RUBCNL: variants seen among roughly 807,000 people sequenced by gnomAD.
RUBCNL encodes the protein protein associated with UVRAG as autophagy enhancer.
RUBCNL carries 62 observed loss-of-function variants against 69.5 expected under a neutral mutation model. That is an observed-to-expected ratio of 0.89 (90% CI 0.73 to 1.10). The LOEUF is 1.10. Among genes scored for constraint, RUBCNL ranks in the 50% least tolerant of loss-of-function variants. RUBCNL has a pLI of 0.00. For synonymous variants in RUBCNL, 291 were observed against 303.6 expected, an observed-to-expected ratio of 0.96 and a Z score of 0.43; for missense variants, 768 against 798.1, an observed-to-expected ratio of 0.96 and a Z score of 0.45.
rs1180119918 is a variant in RUBCNL at position 46,336,526 on chromosome 13, T to C, written c.*6859A>G. 6.6e-6 allele frequency among the ~76,000 whole-genome samples: 1 copy of C among 152,196 alleles called. No homozygotes were observed. The highest frequency in any genetic ancestry group is 1.5e-5 in the Non-Finnish European group (1 of 68,046). ...AGAGATAATCACCACCACAATATGATGAAATTCATTATAGTCTAGCTTTTC... is the reference window on the plus strand; with the variant it reads ...AGAGATAATCACCACCACAATATGACGAAATTCATTATAGTCTAGCTTTTC... On this transcript the variant is annotated 3_prime_UTR_variant, in exon 15 of 15. Coordinates refer to ENST00000429979, the MANE Select transcript of RUBCNL (RefSeq NM_025113.5).
intron 1 of RUBCNL, among the ~76,000 whole-genome samples, chr13:46,382,700 A>AT (rs1008106966): frequency 2.0e-5 from 3 of 151,888 alleles, no homozygotes; most frequent in African/African-American, 7.2e-5. Context: ...TGCCCGGCTA[A>AT]TTTTTTTTGT....
intron 8 of RUBCNL, among the ~76,000 whole-genome samples, chr13:46,360,433 T>C (rs1174292371): frequency 6.6e-6 from 1 of 152,174 alleles, no homozygotes; most frequent in East Asian, 1.9e-4. Context: ...AAACCTTATT[T>C]CCATAAAGAA....
intron 11 of RUBCNL, among the ~76,000 whole-genome samples, chr13:46,349,887 T>A (rs111469563): frequency 0.011 from 1,681 of 152,180 alleles, 25 homozygotes; most frequent in African/African-American, 0.037. Flanking sequence ...TTTCACCATG[T>A]TGGCCAGGCT....
At chr13:46,383,321 A>G (rs74436163) in intron 1 of RUBCNL, among the ~76,000 whole-genome samples, 1,805 of 152,232 alleles carry the variant, frequency 0.012, 22 homozygotes, top group Non-Finnish European at 0.019. Context: ...TCAAATGAAG[A>G]CCTTACCCAT....
At chr13:46,366,257 C>T (rs2048752538) in intron 5 of RUBCNL, among the ~76,000 whole-genome samples, 1 of 152,222 alleles carries the variant, frequency 6.6e-6, no homozygotes, top group Admixed American at 6.5e-5. Flanking sequence ...TAAGGCCCAT[C>T]AGGTGCTCTG....
chr13:46,366,330 G>A (rs1393960660), intron 5 of RUBCNL, among the ~76,000 whole-genome samples: 1 of 152,190 alleles, frequency 6.6e-6, no homozygotes, highest in Non-Finnish European at 1.5e-5. Flanking sequence ...TGGCTGAGTG[G>A]TCAGGAAGAC....
In RUBCNL at chr13:46,349,269, C is replaced by T. The variant is rs2048316567; in HGVS notation, c.1631+17G>A. 2 of 1,611,880 alleles carry T rather than the reference C, an allele frequency of 1.2e-6. No homozygotes were observed. Among genetic ancestry groups the T allele is most frequent in the Admixed American group, 1.7e-5 (1 of 59,890 alleles). ...ATGTATGGAGGGAAGGCAGCCTGTCCCAGCTGAGAATAGTACCTGTTAGCA... is the reference window on the plus strand; with the variant it reads ...ATGTATGGAGGGAAGGCAGCCTGTCTCAGCTGAGAATAGTACCTGTTAGCA... On this transcript the variant is annotated intron_variant, in intron 12 of 14. Transcript: ENST00000429979.
chr13:46,372,638 A>G, intron 2 of RUBCNL, 41 bp from the exon 3 acceptor site: 1 of 1,422,044 alleles, frequency 7.0e-7, no homozygotes. Flanking sequence ...GTAAGAATTC[A>G]ATTGTATTTT....
intron 1 of RUBCNL, among the ~76,000 whole-genome samples, chr13:46,381,333 AC>A (rs1350626964): frequency 5.9e-5 from 9 of 152,182 alleles, no homozygotes; most frequent in African/African-American, 2.2e-4. Flanking sequence ...CACTGAAATG[AC>A]TATGCTAAGT....
chr13:46,352,356 T>C (rs530725324), intron 10 of RUBCNL, among the ~76,000 whole-genome samples: 4 of 152,344 alleles, frequency 2.6e-5, no homozygotes, highest in East Asian at 1.9e-4. Context: ...GTTTGAGTCA[T>C]GTACGTCTTT....
rs1362723429 is a variant in RUBCNL at position 46,336,325 on chromosome 13, G to T, written c.*7060C>A. On this transcript the variant is annotated 3_prime_UTR_variant, in exon 15 of 15. Coordinates refer to ENST00000429979, the MANE Select transcript of RUBCNL (RefSeq NM_025113.5). ...CAGCTAATCTGATTTCTCCACTGTG[G>T]GCATGGACAGTAGAAATGCAACCAT... Among the ~76,000 whole-genome samples, 1 of 152,044 alleles carries T rather than the reference G, an allele frequency of 6.6e-6. No individual in the cohort carries two copies. The highest frequency in any genetic ancestry group is 1.5e-5 in the Non-Finnish European group (1 of 68,022).
Position 46,336,683 on chromosome 13 carries a change from G to A in RUBCNL, c.*6702C>T, listed in dbSNP as rs1028995686. ...TGACTACTGAATTTAGATATTGCTA[G>A]TGACCTTGACGGTTTGGGTAGAATG... On this transcript the variant is annotated 3_prime_UTR_variant, in exon 15 of 15. Coordinates refer to ENST00000429979, the MANE Select transcript of RUBCNL (RefSeq NM_025113.5). Among the ~76,000 whole-genome samples the A allele has an allele frequency of 6.6e-6, 1 of 152,146 alleles. No homozygotes were observed. Among genetic ancestry groups the A allele is most frequent in the African/African-American group, 2.4e-5 (1 of 41,436 alleles).
At position 46,377,915 on chromosome 13, in the gene RUBCNL, C is replaced by T; in HGVS notation, c.-148G>A. ...CAGGAGTATGAATTTCTCGAAGAGG[C>T]AGATTGACACAGAGGAGAAAGTAAT... is the stretch of plus-strand genomic sequence containing the variant. On this transcript the variant is annotated 5_prime_UTR_variant, in exon 2 of 15. Coordinates refer to ENST00000429979, the MANE Select transcript of RUBCNL (RefSeq NM_025113.5). 6.2e-7 allele frequency: 1 copy of T among 1,609,212 alleles called. No individual in the cohort carries two copies. Among genetic ancestry groups the T allele is most frequent in the Non-Finnish European group, 8.5e-7 (1 of 1,177,922 alleles).
At chr13:46,364,907 A>G (rs182236862) in intron 5 of RUBCNL, among the ~76,000 whole-genome samples, 4 of 152,228 alleles carry the variant, frequency 2.6e-5, no homozygotes, top group African/African-American at 9.6e-5. Flanking sequence ...GCTACCATCA[A>G]TTTACACCCA....
intron 2 of RUBCNL, among the ~76,000 whole-genome samples, chr13:46,375,411 T>C (rs1413292414): frequency 1.3e-5 from 2 of 152,150 alleles, no homozygotes; most frequent in African/African-American, 4.8e-5. Context: ...CGGGCGCCTA[T>C]AATCCCAGCT....
intron 1 of RUBCNL, 137 bp downstream of exon 1, chr13:46,386,997 G>T: frequency 2.7e-6 from 2 of 735,056 alleles, no homozygotes; most frequent in Non-Finnish European, 3.3e-6. Context: ...AAGATACCTG[G>T]GTGTCTCTGC....
chr13:46,366,431 G>A (rs890128672), intron 5 of RUBCNL, among the ~76,000 whole-genome samples: 1 of 151,230 alleles, frequency 6.6e-6, no homozygotes, highest in African/African-American at 2.4e-5. Context: ...AGAGATGAGA[G>A]GCCCAAAGTC....
At chr13:46,378,035 C>A in intron 1 of RUBCNL, 30 bp from the exon 2 acceptor site, 1 of 1,177,408 alleles carries the variant, frequency 8.5e-7, no homozygotes, top group South Asian at 1.5e-5. Context: ...TTGCCAGATG[C>A]TATGATACCA....
At chr13:46,385,494 T>C (rs549403018) in intron 1 of RUBCNL, among the ~76,000 whole-genome samples, 4 of 152,170 alleles carry the variant, frequency 2.6e-5, no homozygotes, top group Non-Finnish European at 5.9e-5. Flanking sequence ...TTTCTCTCCA[T>C]ACTAGAAATA....
Sources: allele counts gnomAD v4.1 joint callset (sites outside exome capture counted in the v4.1 genomes callset), GRCh38; gene constraint gnomAD v4.1.1; transcripts MANE v1.5; gene names NCBI Gene and HGNC (gene_info 2026-07-23, HGNC 2026-07-21).